The following RBCK1 variants were observed in gnomAD, a reference collection of about 807,000 sequenced individuals.
RBCK1 encodes ranBP-type and C3HC4-type zinc finger-containing protein 1.
RBCK1 carries 44 observed loss-of-function variants against 71.1 expected under a neutral mutation model. The ratio of observed to expected loss-of-function variants is 0.62; its 90% CI spans 0.49 to 0.80. The LOEUF (loss-of-function observed/expected upper bound fraction) is 0.80. Among genes scored for constraint, RBCK1 ranks in the 30% least tolerant of loss-of-function variants. RBCK1 has a pLI of 0.00. For missense variants in RBCK1, 569 were observed against 685.0 expected (o/e 0.83, Z 1.89); for synonymous variants, 306 against 279.7 (o/e 1.09, Z -0.94).
chr20:411,118 G>C (rs1220230606), intron 2 of RBCK1, among the ~76,000 whole-genome samples: 1 of 152,028 alleles, frequency 6.6e-6, no homozygotes, highest in Non-Finnish European at 1.5e-5. Context: ...CATATAAGTT[G>C]AATCATGCAA....
rs536288911 is a variant in RBCK1 at position 431,920 on chromosome 20, G to A, written c.*1490G>A. On this transcript the variant is annotated 3_prime_UTR_variant, in exon 12 of 12. Transcript: ENST00000356286. This position sits in a 1 kb window ranked among gnomAD's most constrained non-coding sequence, Gnocchi z 4.8. Reference sequence around the variant, plus strand: ...GTGGATGGGACCAGCTCAGGCAGACGCTGTCTCATACCCACTCTCCCCTCT... The same window carrying A: ...GTGGATGGGACCAGCTCAGGCAGACACTGTCTCATACCCACTCTCCCCTCT... Among the ~76,000 whole-genome samples, 1 of 152,302 alleles carries A rather than the reference G, an allele frequency of 6.6e-6. No individual in the cohort carries two copies. Among genetic ancestry groups the A allele is most frequent in the Admixed American group, 6.5e-5 (1 of 15,290 alleles).
intron 1 of RBCK1, 74 bp downstream of exon 1, chr20:408,853 G>A (rs1315826494): frequency 7.8e-6 from 12 of 1,542,992 alleles, no homozygotes; most frequent in African/African-American, 1.4e-5. Flanking sequence ...CTTGCCCCTG[G>A]CCAGAAGGGC....
At position 429,018 on chromosome 20, in the gene RBCK1, G is replaced by A; in HGVS notation, c.1376G>A (p.Gly459Asp). The A allele has an allele frequency of 6.2e-7, 1 of 1,612,386 alleles. No individual in the cohort carries two copies. Among genetic ancestry groups the A allele is most frequent in the Non-Finnish European group, 8.5e-7 (1 of 1,179,932 alleles). The change falls in exon 11 of 12, where the codon GGC becomes GAC. Residue 459 changes from glycine (G) to aspartate (D), a missense_variant. Gly to Asp is a moderately conservative substitution (Grantham distance 94). This residue lies in a region of RBCK1 where 211 missense variants were observed against 309.4 expected (regional missense o/e 0.68). Coordinates refer to ENST00000356286, the MANE Select transcript of RBCK1 (RefSeq NM_031229.4). ...QCQIVVQKKD[G>D]CDWIRCTVCH... ...CAGATCGTGGTACAGAAGAAGGACG[G>A]CTGCGACTGGATCCGCTGCACCGTC...
chr20:424,700 T>G (rs1265510185), intron 8 of RBCK1, among the ~76,000 whole-genome samples: 1 of 152,156 alleles, frequency 6.6e-6, no homozygotes, highest in African/African-American at 2.4e-5. Flanking sequence ...GCCATTTGCT[T>G]AGAGGTTTCC....
intron 2 of RBCK1, chr20:410,766 T>C (rs895956945): frequency 6.3e-6 from 3 of 479,596 alleles, no homozygotes; most frequent in Non-Finnish European, 1.1e-5. Flanking sequence ...CTATCGTTAT[T>C]TTTTGACTGC....
chr20:417,992 AGGGCAAGCAGGGGCAGAGCCCCT>A lies in RBCK1; in HGVS notation c.460+66_460+88del. 1 of 1,493,634 alleles carries A rather than the reference AGGGCAAGCAGGGGCAGAGCCCCT, an allele frequency of 6.7e-7. No individual in the cohort carries two copies. Among genetic ancestry groups the A allele is most frequent in the South Asian group, 1.2e-5 (1 of 81,420 alleles). 92.5% of individuals were successfully genotyped at this position (1,493,634 alleles called of 1,614,324 possible). ...GGGCCCTGGACTCACTTGAGGGCAT[AGGGCAAGCAGGGGCAGAGCCCCT>A]GGGTTTTTAGTCAGGGACTCACCCA... On this transcript the variant is annotated intron_variant, in intron 4 of 11. Coordinates refer to ENST00000356286, the MANE Select transcript of RBCK1 (RefSeq NM_031229.4). The surrounding 1 kb of genome is among the most constrained non-coding windows in gnomAD (Gnocchi z 4.7).
chr20:427,604 A>G, intron 9 of RBCK1, 112 bp downstream of exon 9: 1 of 1,188,570 alleles, frequency 8.4e-7, no homozygotes, highest in Admixed American at 2.0e-5. Flanking sequence ...CCTGCTGGTC[A>G]TGACTTAGAG....
intron 6 of RBCK1, chr20:420,605 G>C: frequency 1.1e-6 from 1 of 905,708 alleles, no homozygotes; most frequent in Non-Finnish European, 1.3e-6. Flanking sequence ...CCCTCCCTTG[G>C]CTTCCCCACC....
Position 413,274 on chromosome 20 carries a change from C to G in RBCK1, c.167+3249C>G, listed in dbSNP as rs759350620. ...TGGTTATTGCAAGTCTCTTGAATTTCCATATAAATTTTACGATCAGCTTGT... is the reference window on the plus strand; with the variant it reads ...TGGTTATTGCAAGTCTCTTGAATTTGCATATAAATTTTACGATCAGCTTGT... On this transcript the variant is annotated intron_variant, in intron 2 of 11. Transcript: ENST00000356286. 1.1e-3 allele frequency among the ~76,000 whole-genome samples: 162 copies of G among 151,926 alleles called. 2 individuals are homozygous for G. Among genetic ancestry groups the G allele is most frequent in the Non-Finnish European group, 2.2e-4 (15 of 67,990 alleles).
In RBCK1 at chr20:422,084, G is replaced by A. The variant is rs2016469656; in HGVS notation, c.918-43G>A. 2 of 1,523,670 alleles carry A rather than the reference G, an allele frequency of 1.3e-6. No individual in the cohort carries two copies. The highest frequency in any genetic ancestry group is 1.7e-5 in the Admixed American group (1 of 59,502). The allele number at this position is 1,523,670 out of a possible 1,614,324, so 94.4% of individuals were successfully genotyped here. ...GTGAGGGATGGAGTCCCCAGTGAAG[G>A]GGGTTCCTATGATCCTAACTCTTTT... On this transcript the variant is annotated intron_variant, in intron 7 of 11. Coordinates refer to ENST00000356286, the MANE Select transcript of RBCK1 (RefSeq NM_031229.4). This position sits in a 1 kb window ranked among gnomAD's most constrained non-coding sequence, Gnocchi z 5.0.
chr20:418,653 C>T (rs1284430513), intron 4 of RBCK1, among the ~76,000 whole-genome samples: 3 of 152,234 alleles, frequency 2.0e-5, no homozygotes, highest in African/African-American at 4.8e-5. Flanking sequence ...CAGGCGTGAG[C>T]CACCACGCCC....
rs2016828414 is a variant in RBCK1, at chr20:428,086, C to A, written c.1210-405C>A. Among the ~76,000 whole-genome samples the A allele has an allele frequency of 6.6e-6, 1 of 152,206 alleles. No individual in the cohort carries two copies. The highest frequency in any genetic ancestry group is 2.4e-5 in the African/African-American group (1 of 41,456). On this transcript the variant is annotated intron_variant, in intron 9 of 11. Transcript: ENST00000356286. The surrounding 1 kb of genome is among the most constrained non-coding windows in gnomAD (Gnocchi z 5.7). Reference sequence around the variant, plus strand: ...GAGGAGCCGGTAAACAGGTCTGGAGCCTGGTCTCAGACTCAGCCTGAGCAA... The same window carrying A: ...GAGGAGCCGGTAAACAGGTCTGGAGACTGGTCTCAGACTCAGCCTGAGCAA...
At position 430,629 on chromosome 20, in the gene RBCK1, C is replaced by T. The variant is rs756845632; in HGVS notation, c.*199C>T. On this transcript the variant is annotated 3_prime_UTR_variant, in exon 12 of 12. Coordinates refer to ENST00000356286, the MANE Select transcript of RBCK1 (RefSeq NM_031229.4). The surrounding 1 kb of genome is among the most constrained non-coding windows in gnomAD (Gnocchi z 5.6). The stretch of plus-strand genomic sequence containing the variant: ...TTGCCGGCCAGACTTCTCTCCCCTG[C>T]GGCTCCCACCTCTGCCTGACCCCAG... 21 of 607,382 alleles carry T rather than the reference C, an allele frequency of 3.5e-5. No individual in the cohort carries two copies. Among genetic ancestry groups the T allele is most frequent in the South Asian group, 9.6e-5 (5 of 52,244 alleles). 37.6% of individuals were successfully genotyped at this position (607,382 alleles called of 1,614,324 possible). A position where few individuals can be genotyped will look rare whatever the true frequency, so the allele number is the denominator to read the frequency against.
chr20:422,678 C>T lies in RBCK1; in HGVS notation c.1029+440C>T, dbSNP rs1178699840. 2.6e-5 allele frequency among the ~76,000 whole-genome samples: 4 copies of T among 151,934 alleles called. No homozygotes were observed. Among genetic ancestry groups the T allele is most frequent in the Admixed American group, 6.6e-5 (1 of 15,250 alleles). On this transcript the variant is annotated intron_variant, in intron 8 of 11. Transcript: ENST00000356286. The surrounding 1 kb of genome is among the most constrained non-coding windows in gnomAD (Gnocchi z 5.0). ...AAAATATTCAAAAAATAGCCAGGCG[C>T]GGGGGCATGCGCCTGTAGTCCTAGC...
At chr20:413,769 G>A (rs527665614) in intron 2 of RBCK1, among the ~76,000 whole-genome samples, 1 of 152,144 alleles carries the variant, frequency 6.6e-6, no homozygotes, top group South Asian at 2.1e-4. Context: ...TGGACCCGAT[G>A]CTTCCTAGCA....
Position 408,587 on chromosome 20 carries a change from T to C in RBCK1, c.-171T>C, listed in dbSNP as rs1320122009. The C allele has an allele frequency of 2.5e-6, 2 of 808,964 alleles. No homozygotes were observed. The highest frequency in any genetic ancestry group is 4.1e-6 in the Non-Finnish European group (2 of 490,866). 50.1% of individuals were successfully genotyped at this position (808,964 alleles called of 1,614,324 possible). On this transcript the variant is annotated 5_prime_UTR_variant, in exon 1 of 12. It removes an upstream start codon present in the reference 5' UTR. Coordinates refer to ENST00000356286, the MANE Select transcript of RBCK1 (RefSeq NM_031229.4). ...CCGGCCTGGTCACCGGGCAGTGTGA[T>C]GCTTCCCGACTGCCGCGGGGACAGC... is the stretch of plus-strand genomic sequence containing the variant.
In RBCK1 at chr20:411,125, G is replaced by A. The variant is rs77285019; in HGVS notation, c.167+1100G>A. 4.2e-3 allele frequency among the ~76,000 whole-genome samples: 634 copies of A among 152,146 alleles called. 2 individuals are homozygous for A. The highest frequency in any genetic ancestry group is 0.014 in the African/African-American group (589 of 41,516). On this transcript the variant is annotated intron_variant, in intron 2 of 11. Coordinates refer to ENST00000356286, the MANE Select transcript of RBCK1 (RefSeq NM_031229.4). Reference sequence around the variant, plus strand: ...GGAAATTCCATATAAGTTGAATCATGCAATATGTGGCCTTTTGTATCTGGC... The same window carrying A: ...GGAAATTCCATATAAGTTGAATCATACAATATGTGGCCTTTTGTATCTGGC...
chr20:418,073 TA>T (rs766442885), intron 4 of RBCK1, 143 bp downstream of exon 4: 3 of 812,826 alleles, frequency 3.7e-6, no homozygotes, highest in Non-Finnish European at 5.6e-6. Flanking sequence ...AGAGAGGACC[TA>T]AGACACATGG....
intron 2 of RBCK1, among the ~76,000 whole-genome samples, chr20:411,970 A>G (rs776616165): frequency 5.9e-5 from 9 of 152,328 alleles, no homozygotes; most frequent in Admixed American, 1.3e-4. Context: ...TTTTGTGTGG[A>G]CACGTTTTCA....
Sources: allele counts gnomAD v4.1 joint callset (sites outside exome capture counted in the v4.1 genomes callset), GRCh38; gene constraint gnomAD v4.1.1; regional missense constraint gnomAD v4.1.1; non-coding constraint Gnocchi (gnomAD v3.1); transcripts MANE v1.5; gene names NCBI Gene and HGNC (gene_info 2026-07-23, HGNC 2026-07-21).